CAMSAP1: variants seen among roughly 807,000 people sequenced by gnomAD.
The protein encoded by CAMSAP1 is calmodulin regulated spectrin associated protein 1.
A neutral mutation model predicts 143.5 loss-of-function variants in CAMSAP1; 58 were observed. That is an observed-to-expected ratio of 0.40 (90% CI 0.33 to 0.50). The LOEUF is 0.50. Ranked by LOEUF, CAMSAP1 falls within the 20% of genes least tolerant of loss-of-function variation. The pLI is 0.45. For missense variants in CAMSAP1, 1,969 were observed against 2,115.7 expected, an observed-to-expected ratio of 0.93 and a Z score of 1.36; for synonymous variants, 945 against 859.3, an observed-to-expected ratio of 1.10 and a Z score of -1.74.
chr9:135,903,004 T>C (rs1364477278), intron 1 of CAMSAP1, among the ~76,000 whole-genome samples: 1 of 152,204 alleles, frequency 6.6e-6, no homozygotes, highest in Admixed American at 6.5e-5. Context: ...TGCTAGTACT[T>C]GCCCTGGGTT....
At chr9:135,832,129 C>T (rs953931393) in intron 7 of CAMSAP1, among the ~76,000 whole-genome samples, 5 of 152,172 alleles carry the variant, frequency 3.3e-5, no homozygotes, top group Non-Finnish European at 5.9e-5. Context: ...AAGAAAACTA[C>T]AGGCCAATAT....
chr9:135,874,194 G>C (rs1564452254), intron 3 of CAMSAP1, among the ~76,000 whole-genome samples: 1 of 152,086 alleles, frequency 6.6e-6, no homozygotes, highest in Non-Finnish European at 1.5e-5. Flanking sequence ...AATACCCTAA[G>C]CAAACTTAAA....
At chr9:135,890,997 T>C (rs977239902) in intron 1 of CAMSAP1, among the ~76,000 whole-genome samples, 7 of 152,088 alleles carry the variant, frequency 4.6e-5, no homozygotes, top group African/African-American at 1.7e-4. Flanking sequence ...GCAGGCACAC[T>C]GGGGAGGAGG....
chr9:135,821,107 G>C lies in CAMSAP1; in HGVS notation c.3554C>G (p.Ser1185Cys). The change falls in exon 11 of 17, where the codon TCC becomes TGC. Residue 1185 changes from serine (S) to cysteine (C), a missense_variant. This residue lies in a region of CAMSAP1 where 1,390 missense variants were observed against 1,420.8 expected (regional missense o/e 0.98). Coordinates refer to ENST00000389532, the MANE Select transcript of CAMSAP1 (RefSeq NM_015447.4). The surrounding 1 kb of genome is among the most constrained non-coding windows in gnomAD (Gnocchi z 4.6). ...CTCCGAAAGAATGTTGGCATCTTTG[G>C]AAGAGGACAGAGTAAGTGTCCGCTG... ...SNQRTLTLSS[S>C]KDANILSEQM... The C allele has an allele frequency of 6.2e-7, 1 of 1,613,804 alleles. No homozygotes were observed. The highest frequency in any genetic ancestry group is 2.2e-5 in the East Asian group (1 of 44,892).
Position 135,821,249 on chromosome 9 carries a change from C to T in CAMSAP1, c.3412G>A (p.Ala1138Thr), listed in dbSNP as rs748004883. 24 of 1,608,556 alleles carry T rather than the reference C, an allele frequency of 1.5e-5. No homozygotes were observed. The Admixed American group carries it at 4.0e-4, about 27-fold the overall frequency. Residue 1138 changes from alanine (A) to threonine (T), a missense_variant, in exon 11 of 17, where the codon GCC (alanine) becomes ACC (threonine). Around this residue, in one of 4 missense-constraint regions of CAMSAP1, gnomAD observed 1,390 missense variants for 1,420.8 expected, o/e 0.98. Coordinates refer to ENST00000389532, the MANE Select transcript of CAMSAP1 (RefSeq NM_015447.4). This position sits in a 1 kb window ranked among gnomAD's most constrained non-coding sequence, Gnocchi z 4.6. ...GTGGGCGTCCGAGGGTGGCTGCTGG[C>T]AGGGAAGGGTCTCAAGTGCGGGAGC... ...ETLPHLRPFP[A>T]SSHPRTPTDP...
At chr9:135,896,864 A>G (rs554023872) in intron 1 of CAMSAP1, among the ~76,000 whole-genome samples, 3 of 152,240 alleles carry the variant, frequency 2.0e-5, no homozygotes, top group African/African-American at 7.2e-5. Flanking sequence ...CAAGGGCCCT[A>G]CCCTCATGAA....
chr9:135,883,657 A>ACAG (rs376030945), intron 1 of CAMSAP1, among the ~76,000 whole-genome samples: 12 of 152,194 alleles, frequency 7.9e-5, no homozygotes, highest in African/African-American at 2.4e-4. Flanking sequence ...CCATGACGAC[A>ACAG]CAGCAGCAGC....
Position 135,824,934 on chromosome 9 carries a change from C to T in CAMSAP1, c.1224-54G>A. 1 of 1,396,694 alleles carries T rather than the reference C, an allele frequency of 7.2e-7. No homozygotes were observed. Among genetic ancestry groups the T allele is most frequent in the Non-Finnish European group, 9.9e-7 (1 of 1,012,002 alleles). The allele number at this position is 1,396,694 out of a possible 1,614,324, so 86.5% of individuals were successfully genotyped here. ...TCATTCCTTTATCAAACTTCAAGGT[C>T]AACAGCAAATGCACAAGTGTACAGG... On this transcript the variant is annotated intron_variant, in intron 8 of 16. Transcript: ENST00000389532. This position sits in a 1 kb window ranked among gnomAD's most constrained non-coding sequence, Gnocchi z 4.1.
chr9:135,845,546 G>C (rs1046725909), intron 7 of CAMSAP1, among the ~76,000 whole-genome samples: 1 of 152,140 alleles, frequency 6.6e-6, no homozygotes, highest in African/African-American at 2.4e-5. Flanking sequence ...GAAATAAAGA[G>C]TATTCAAATA....
chr9:135,823,813 A>G, intron 10 of CAMSAP1, 137 bp downstream of exon 10: 1 of 677,948 alleles, frequency 1.5e-6, no homozygotes, highest in South Asian at 1.8e-5. Flanking sequence ...TAGTGTTGTT[A>G]TAAAAATAAT....
intron 7 of CAMSAP1, among the ~76,000 whole-genome samples, chr9:135,831,516 T>C (rs1321932546): frequency 6.6e-6 from 1 of 151,082 alleles, no homozygotes; most frequent in Non-Finnish European, 1.5e-5. Flanking sequence ...CAATCAACAC[T>C]TCCATTAACG....
chr9:135,846,863 C>A (rs1220349853), intron 7 of CAMSAP1, among the ~76,000 whole-genome samples: 2 of 151,992 alleles, frequency 1.3e-5, no homozygotes, highest in Non-Finnish European at 2.9e-5. Context: ...GAATGGCGAT[C>A]ATTAAAGTCA....
intron 7 of CAMSAP1, among the ~76,000 whole-genome samples, chr9:135,839,570 C>G (rs563778811): frequency 1.0e-3 from 155 of 152,246 alleles, no homozygotes; most frequent in African/African-American, 3.2e-3. Context: ...GAGAATCACG[C>G]GACATTAACA....
rs777029058 is a variant in CAMSAP1, at chr9:135,817,855, T to C, written c.4271+122A>G. 224 of 760,682 alleles carry C rather than the reference T, an allele frequency of 2.9e-4. 1 individual carries two copies. Among genetic ancestry groups the C allele is most frequent in the Non-Finnish European group, 4.2e-4 (196 of 470,494 alleles). The allele number at this position is 760,682 out of a possible 1,614,324, so 47.1% of individuals were successfully genotyped here. On this transcript the variant is annotated intron_variant, in intron 14 of 16. Transcript: ENST00000389532. The stretch of plus-strand genomic sequence containing the variant: ...GACATGATTGCAACTATTCTGTAAA[T>C]GTGAAATTATATCAAAATTAAAGTT...
chr9:135,817,350 A>G (rs541798269), intron 14 of CAMSAP1, among the ~76,000 whole-genome samples: 1 of 152,260 alleles, frequency 6.6e-6, no homozygotes, highest in South Asian at 2.1e-4. Context: ...TTAAGCATAA[A>G]AGGCCAGACA....
rs1468743116 is a variant in CAMSAP1, at chr9:135,822,381, A to G, written c.2280T>C (p.Val760=). 1 of 1,613,768 alleles carries G rather than the reference A, an allele frequency of 6.2e-7. No individual in the cohort carries two copies. Among genetic ancestry groups the G allele is most frequent in the Admixed American group, 1.7e-5 (1 of 60,002 alleles). ...HDFMGEAHPV[V]FSRYIGEEES... The stretch of plus-strand genomic sequence containing the variant: ...CTTCCTCCCCAATGTATCTGCTGAA[A>G]ACCACAGGATGGGCCTCACCCATGA... Residue 760 remains valine (V), a synonymous_variant, in exon 11 of 17, where the codon GTT becomes GTC. Coordinates refer to ENST00000389532, the MANE Select transcript of CAMSAP1 (RefSeq NM_015447.4). The surrounding 1 kb of genome is among the most constrained non-coding windows in gnomAD (Gnocchi z 6.1).
chr9:135,867,590 A>G (rs1837425879), intron 3 of CAMSAP1, among the ~76,000 whole-genome samples: 1 of 152,210 alleles, frequency 6.6e-6, no homozygotes, highest in African/African-American at 2.4e-5. Context: ...CCACTAAAAA[A>G]GCACCACGTA....
chr9:135,880,255 G>T (rs946625842), intron 3 of CAMSAP1, among the ~76,000 whole-genome samples: 1 of 152,148 alleles, frequency 6.6e-6, no homozygotes, highest in Non-Finnish European at 1.5e-5. Flanking sequence ...ATTTTCCACA[G>T]AATTCTTGCA....
chr9:135,879,083 G>A (rs1564454820), intron 3 of CAMSAP1, among the ~76,000 whole-genome samples: 2 of 152,294 alleles, frequency 1.3e-5, no homozygotes, highest in South Asian at 4.1e-4. Context: ...GCAACCGCAG[G>A]GGAATGAGGA....
Sources: allele counts gnomAD v4.1 joint callset (sites outside exome capture counted in the v4.1 genomes callset), GRCh38; gene constraint gnomAD v4.1.1; regional missense constraint gnomAD v4.1.1; non-coding constraint Gnocchi (gnomAD v3.1); transcripts MANE v1.5; gene names NCBI Gene and HGNC (gene_info 2026-07-23, HGNC 2026-07-21).